Variants in CDKL5 observed in about 807,000 individuals in gnomAD.
The protein encoded by CDKL5 is cyclin-dependent kinase-like 5.
In CDKL5, 8 loss-of-function variants were observed where a neutral mutation model predicts 61.7. That is an observed-to-expected ratio of 0.13 (90% CI 0.08 to 0.23). The LOEUF is 0.23. Among genes scored for constraint, CDKL5 ranks in the 10% least tolerant of loss-of-function variants. The pLI is 1.00. For missense variants in CDKL5, 440 were observed against 734.5 expected (o/e 0.60, Z 4.63); for synonymous variants, 275 against 272.3 (o/e 1.01, Z -0.10).
intron 16 of CDKL5, among the ~76,000 whole-genome samples, chrX:18,621,422 T>G (rs1926885242): frequency 8.9e-6 from 1 of 111,923 alleles, no homozygotes; most frequent in African/African-American, 3.2e-5. Flanking sequence ...TATAGAAAAT[T>G]TGAGAAAAAG....
At chrX:18,594,669 A>T (rs935186959) in intron 9 of CDKL5, among the ~76,000 whole-genome samples, 1 of 112,656 alleles carries the variant, frequency 8.9e-6, no homozygotes, top group Non-Finnish European at 1.9e-5. Flanking sequence ...TACTATCAGT[A>T]ATTAAGAATC....
intron 3 of CDKL5, among the ~76,000 whole-genome samples, chrX:18,525,530 T>G (rs1468871092): frequency 9.0e-6 from 1 of 111,554 alleles, no homozygotes; most frequent in East Asian, 2.8e-4. Flanking sequence ...TTGTCTTGAT[T>G]ACTGTAGTTT....
chrX:18,624,754 A>G (rs1926985342), intron 16 of CDKL5, among the ~76,000 whole-genome samples: 1 of 111,983 alleles, frequency 8.9e-6, no homozygotes, highest in African/African-American at 3.2e-5. Flanking sequence ...TGTTTTATTG[A>G]ACTGGTTCAC....
At chrX:18,445,061 C>G (rs1931841403) in intron 1 of CDKL5, among the ~76,000 whole-genome samples, 1 of 107,277 alleles carries the variant, frequency 9.3e-6, no homozygotes, top group African/African-American at 3.4e-5. Flanking sequence ...GGGGTTTTCC[C>G]TTCTGTTTGG....
chrX:18,459,933 C>A (rs1360151425), intron 1 of CDKL5, among the ~76,000 whole-genome samples: 1 of 106,808 alleles, frequency 9.4e-6, no homozygotes. Flanking sequence ...AGTGCAATGG[C>A]ACGATCTCGG....
rs571675089 is a variant in CDKL5 at position 18,428,793 on chromosome X, A to G, written c.-163+3098A>G. ...ATTTCTTGTTAAAGGAGGCGACAGA[A>G]TCTCACAGATTCTTTATCATCTGAT... On this transcript the variant is annotated intron_variant, in intron 1 of 17. Coordinates refer to ENST00000623535, the MANE Select transcript of CDKL5 (RefSeq NM_001323289.2). Among the ~76,000 whole-genome samples, 9 of 109,904 alleles carry G rather than the reference A, an allele frequency of 8.2e-5. No homozygotes were observed. In the South Asian group the frequency reaches 3.1e-3, roughly 38 times the overall value.
At chrX:18,571,150 G>C (rs559220753) in intron 4 of CDKL5, among the ~76,000 whole-genome samples, 1 of 111,276 alleles carries the variant, frequency 9.0e-6, no homozygotes, top group African/African-American at 3.3e-5. Flanking sequence ...GTTGCATAGC[G>C]TGTATGTGAA....
At chrX:18,559,266 T>C (rs968267699) in intron 3 of CDKL5, among the ~76,000 whole-genome samples, 1 of 112,147 alleles carries the variant, frequency 8.9e-6, no homozygotes, top group African/African-American at 3.2e-5. Context: ...TGGAGTGCAG[T>C]GGCGTGGTCT....
chrX:18,651,264 T>TGTGAGAGAGAGAGAGAGA (rs1491242962), intron 21 of CDKL5, among the ~76,000 whole-genome samples: 4 of 69,012 alleles, frequency 5.8e-5, no homozygotes, highest in African/African-American at 2.5e-4. Context: ...TGTGTGTGTG[T>TGTGAGAGAGAGAGAGAGA]GAGAGAGAGA....
intron 1 of CDKL5, among the ~76,000 whole-genome samples, chrX:18,466,037 T>G (rs918702138): frequency 8.9e-6 from 1 of 111,898 alleles, no homozygotes; most frequent in Non-Finnish European, 1.9e-5. Context: ...TAAGCTAATT[T>G]TTTCTGCTAG....
intron 3 of CDKL5, among the ~76,000 whole-genome samples, chrX:18,524,483 A>G (rs1923360228): frequency 1.8e-5 from 2 of 112,027 alleles, no homozygotes; most frequent in African/African-American, 6.5e-5. Flanking sequence ...TAGATTTCCC[A>G]GTTCTGCCAT....
At chrX:18,574,798 T>C (rs1925241406) in intron 4 of CDKL5, among the ~76,000 whole-genome samples, 1 of 111,964 alleles carries the variant, frequency 8.9e-6, no homozygotes, top group African/African-American at 3.2e-5. Context: ...TGACTTGAAT[T>C]GTGGATGCTT....
At chrX:18,582,635 T>C (rs1925519827) in intron 7 of CDKL5, among the ~76,000 whole-genome samples, 1 of 111,991 alleles carries the variant, frequency 8.9e-6, no homozygotes, top group South Asian at 3.7e-4. Flanking sequence ...CACTTGATTT[T>C]TTAAATGTCT....
At chrX:18,647,904 TG>T in intron 20 of CDKL5, among the ~76,000 whole-genome samples, 1 of 109,064 alleles carries the variant, frequency 9.2e-6, no homozygotes, top group African/African-American at 3.4e-5. Context: ...AAAAAAAAAA[TG>T]GGTGAAATGT....
At chrX:18,456,403 GA>G (rs1932144251) in intron 1 of CDKL5, among the ~76,000 whole-genome samples, 2 of 112,027 alleles carry the variant, frequency 1.8e-5, no homozygotes, top group Non-Finnish European at 3.8e-5. Context: ...ATGTGCTACT[GA>G]AAAATAAGCT....
chrX:18,552,250 A>G (rs1305373750), intron 3 of CDKL5, among the ~76,000 whole-genome samples: 11 of 110,193 alleles, frequency 1.0e-4, no homozygotes, highest in Non-Finnish European at 1.3e-4. Context: ...AAAAAAAAAA[A>G]AAAGAAAGAA....
intron 15 of CDKL5, among the ~76,000 whole-genome samples, chrX:18,617,223 C>T (rs1216519892): frequency 9.0e-6 from 1 of 111,567 alleles, no homozygotes; most frequent in East Asian, 2.8e-4. Context: ...AGTCCCATGC[C>T]TGTGTGCCTG....
chrX:18,457,332 G>A (rs1932165014), intron 1 of CDKL5, among the ~76,000 whole-genome samples: 1 of 111,793 alleles, frequency 8.9e-6, no homozygotes, highest in Non-Finnish European at 1.9e-5. Flanking sequence ...CTGTGTAGGT[G>A]CTAGGAATAC....
intron 3 of CDKL5, chrX:18,535,030 T>G (rs1241462930): frequency 8.9e-6 from 1 of 112,304 alleles, no homozygotes; most frequent in Non-Finnish European, 1.9e-5. Flanking sequence ...GCATGCCTAC[T>G]TCACTTTTTT....
Sources: gnomAD v4.1 joint callset for allele counts (sites outside exome capture counted in the v4.1 genomes callset) on GRCh38, gnomAD v4.1.1 for gene constraint, MANE v1.5 for transcripts, NCBI Gene and HGNC (gene_info 2026-07-23, HGNC 2026-07-21) for gene names.